CCBE1: variants seen among roughly 807,000 people sequenced by gnomAD.
The protein encoded by CCBE1 is collagen and calcium binding EGF domains 1.
A neutral mutation model predicts 50.0 loss-of-function variants in CCBE1; 37 were observed. The ratio of observed to expected loss-of-function variants is 0.74; its 90% confidence interval spans 0.57 to 0.97. The LOEUF is 0.97. CCBE1 is among the 50% of genes least tolerant of loss of function. The pLI is 0.00. For missense variants in CCBE1, 538 were observed against 523.8 expected (o/e 1.03, Z -0.26); for synonymous variants, 234 against 203.7 (o/e 1.15, Z -1.27).
intron 4 of CCBE1, among the ~76,000 whole-genome samples, chr18:59,468,375 A>T (rs1226828473): frequency 2.0e-5 from 3 of 152,132 alleles, no homozygotes; most frequent in African/African-American, 7.2e-5. Flanking sequence ...ACAGAGTGTG[A>T]CCCTGTCTCA....
chr18:59,569,396 A>G lies in CCBE1; in HGVS notation c.213-89158T>C, dbSNP rs1356886806. ...TATTAGATTTCAGATGCCATGAACTATTCACTAGTTGATTTATCTTTTGCA... is the reference window on the plus strand; with the variant it reads ...TATTAGATTTCAGATGCCATGAACTGTTCACTAGTTGATTTATCTTTTGCA... On this transcript the variant is annotated intron_variant, in intron 2 of 10. Transcript: ENST00000439986. 3.9e-5 allele frequency among the ~76,000 whole-genome samples: 6 copies of G among 152,322 alleles called. No homozygotes were observed. In the East Asian group the frequency reaches 7.7e-4, roughly 20 times the overall value.
At chr18:59,560,995 T>TA (rs2052728916) in intron 2 of CCBE1, among the ~76,000 whole-genome samples, 1 of 152,194 alleles carries the variant, frequency 6.6e-6, no homozygotes, top group Non-Finnish European at 1.5e-5. Flanking sequence ...CCTTCACTGA[T>TA]AGGAAGAGCG....
chr18:59,511,272 C>T (rs760662528), intron 2 of CCBE1, among the ~76,000 whole-genome samples: 10 of 152,192 alleles, frequency 6.6e-5, no homozygotes, highest in Non-Finnish European at 1.0e-4. Context: ...AAGTTCAAGA[C>T]GAGCAGTGGA....
At chr18:59,571,948 C>T (rs757965001) in intron 2 of CCBE1, among the ~76,000 whole-genome samples, 1 of 152,190 alleles carries the variant, frequency 6.6e-6, no homozygotes, top group Non-Finnish European at 1.5e-5. Context: ...CTTTAGACTA[C>T]TGGAAATTCT....
intron 2 of CCBE1, among the ~76,000 whole-genome samples, chr18:59,535,808 C>A (rs1198782925): frequency 6.6e-6 from 1 of 152,110 alleles, no homozygotes; most frequent in Non-Finnish European, 1.5e-5. Context: ...GAAAAACGTA[C>A]ATATATAAGG....
chr18:59,565,495 C>T (rs2052809443), intron 2 of CCBE1, among the ~76,000 whole-genome samples: 1 of 152,212 alleles, frequency 6.6e-6, no homozygotes, highest in African/African-American at 2.4e-5. Context: ...CCATAACTCA[C>T]TCTCTACAGC....
intron 2 of CCBE1, among the ~76,000 whole-genome samples, chr18:59,517,046 A>T (rs1032440179): frequency 1.3e-5 from 2 of 152,210 alleles, no homozygotes; most frequent in Non-Finnish European, 2.9e-5. Flanking sequence ...CTTAAACCAC[A>T]CAATATAGAA....
At chr18:59,577,656 C>G (rs1038347861) in intron 2 of CCBE1, among the ~76,000 whole-genome samples, 2 of 152,204 alleles carry the variant, frequency 1.3e-5, no homozygotes, top group Admixed American at 1.3e-4. Context: ...TAGGCACACA[C>G]CCCATGTGTG....
At chr18:59,501,678 G>A (rs1471238569) in intron 2 of CCBE1, among the ~76,000 whole-genome samples, 1 of 152,108 alleles carries the variant, frequency 6.6e-6, no homozygotes, top group Non-Finnish European at 1.5e-5. Flanking sequence ...GATATTTTAG[G>A]AAAACTAAAG....
chr18:59,472,603 C>T (rs897098456), intron 3 of CCBE1, among the ~76,000 whole-genome samples: 6 of 152,208 alleles, frequency 3.9e-5, no homozygotes, highest in African/African-American at 1.4e-4. Flanking sequence ...CTCGTCTCAG[C>T]CTCCCAAAGC....
In CCBE1 at chr18:59,431,940, A is replaced by G. The variant is rs1050657667; in HGVS notation, c.*3968T>C. 1 of 152,220 alleles carries G rather than the reference A, an allele frequency of 6.6e-6. No individual in the cohort carries two copies. Among genetic ancestry groups the G allele is most frequent in the Admixed American group, 6.5e-5 (1 of 15,268 alleles). 9.4% of individuals were successfully genotyped at this position (152,220 alleles called of 1,614,324 possible). A position where few individuals can be genotyped will look rare whatever the true frequency, so the allele number is the denominator to read the frequency against. ...AGGGAGGGGGGTTTCCTAAACTAAAATGCATGCCCTCCATGTACTATTTTC... is the reference window on the plus strand; with the variant it reads ...AGGGAGGGGGGTTTCCTAAACTAAAGTGCATGCCCTCCATGTACTATTTTC... On this transcript the variant is annotated 3_prime_UTR_variant, in exon 11 of 11. Coordinates refer to ENST00000439986, the MANE Select transcript of CCBE1 (RefSeq NM_133459.4).
intron 2 of CCBE1, among the ~76,000 whole-genome samples, chr18:59,503,330 G>A (rs529840507): frequency 4.8e-4 from 73 of 150,904 alleles, no homozygotes; most frequent in African/African-American, 1.7e-3. Context: ...TCAACCTGCC[G>A]AGTGCTCTGA....
intron 2 of CCBE1, among the ~76,000 whole-genome samples, chr18:59,507,473 A>G (rs1913928808): frequency 6.6e-6 from 1 of 152,226 alleles, no homozygotes; most frequent in African/African-American, 2.4e-5. Flanking sequence ...GACATTGTTC[A>G]ATGATTCCTT....
chr18:59,561,203 C>CATGT (rs1272331826), intron 2 of CCBE1, among the ~76,000 whole-genome samples: 1 of 152,186 alleles, frequency 6.6e-6, no homozygotes, highest in Non-Finnish European at 1.5e-5. Context: ...TATCAAAGCT[C>CATGT]ATGTATGTAA....
Position 59,520,490 on chromosome 18 carries a change from G to GA in CCBE1, c.213-40253dup, listed in dbSNP as rs200353935. On this transcript the variant is annotated intron_variant, in intron 2 of 10. Transcript: ENST00000439986. ...ACAATGAAGCAATGGTAGTTTTTAA[G>GA]AAAAAAACCCATCTGTTCAGATGTT... is the stretch of plus-strand genomic sequence containing the variant. 5.1e-3 allele frequency among the ~76,000 whole-genome samples: 780 copies of GA among 152,270 alleles called. 4 individuals carry two copies. Among genetic ancestry groups the GA allele is most frequent in the African/African-American group, 0.018 (735 of 41,568 alleles).
chr18:59,454,796 T>A lies in CCBE1; in HGVS notation c.654+55A>T. On this transcript the variant is annotated intron_variant, in intron 6 of 10. Transcript: ENST00000439986. ...TTTGTAAATATCCTTCCACCTGGCC[T>A]TGGCCAAGCCCTCCTTCCATCAGGC... 3 of 1,441,616 alleles carry A rather than the reference T, an allele frequency of 2.1e-6. No homozygotes were observed. The Admixed American group carries it at 5.0e-5, about 24-fold the overall frequency. The allele number at this position is 1,441,616 out of a possible 1,614,324, so 89.3% of individuals were successfully genotyped here.
At chr18:59,693,046 G>A (rs114205178) in intron 2 of CCBE1, among the ~76,000 whole-genome samples, 257 of 152,038 alleles carry the variant, frequency 1.7e-3, no homozygotes, top group African/African-American at 6.1e-3. Flanking sequence ...CTTGTTTTCT[G>A]TGGTGAAGGT....
At chr18:59,610,783 T>C (rs1316510814) in intron 2 of CCBE1, among the ~76,000 whole-genome samples, 2 of 151,150 alleles carry the variant, frequency 1.3e-5, no homozygotes, top group African/African-American at 4.9e-5. Context: ...AGGCCAAAGG[T>C]GAACCAGTGC....
At chr18:59,529,939 T>C (rs1469585703) in intron 2 of CCBE1, among the ~76,000 whole-genome samples, 1 of 152,198 alleles carries the variant, frequency 6.6e-6, no homozygotes. Flanking sequence ...TTCTCAGACA[T>C]TAGCAAGTAT....
Sources: allele counts gnomAD v4.1 joint callset (sites outside exome capture counted in the v4.1 genomes callset), GRCh38; gene constraint gnomAD v4.1.1; transcripts MANE v1.5; gene names NCBI Gene and HGNC (gene_info 2026-07-23, HGNC 2026-07-21).